The following PLK4 variants were observed in gnomAD, a reference collection of about 807,000 sequenced individuals.
PLK4 encodes serine/threonine-protein kinase PLK4.
Under a neutral mutation model 103.0 loss-of-function variants are expected in PLK4, and 51 were observed. That is an observed-to-expected ratio of 0.50 (90% confidence interval 0.40 to 0.63). The LOEUF is 0.63. Ranked by LOEUF, PLK4 falls within the 20% of genes least tolerant of loss-of-function variation. The pLI, the probability that PLK4 is intolerant of heterozygous loss-of-function variation, is 0.00. For missense variants in PLK4, 1,054 were observed against 1,151.0 expected (o/e 0.92, Z 1.22); for synonymous variants, 389 against 376.8 (o/e 1.03, Z -0.38).
chr4:127,887,520 A>AT, intron 6 of PLK4, 24 bp downstream of exon 6: 2 of 1,270,938 alleles, frequency 1.6e-6, no homozygotes, highest in Non-Finnish European at 2.3e-6. Flanking sequence ...GGAGTATTTA[A>AT]TCAAGAATTA....
At chr4:127,898,174 C>T (rs1221454627) in intron 15 of PLK4, among the ~76,000 whole-genome samples, 1 of 152,026 alleles carries the variant, frequency 6.6e-6, no homozygotes, top group African/African-American at 2.4e-5. Flanking sequence ...AGATTTTTGG[C>T]TTGCTTTTGA....
chr4:127,882,531 G>A (rs559669372), intron 2 of PLK4, among the ~76,000 whole-genome samples: 2 of 152,138 alleles, frequency 1.3e-5, no homozygotes, highest in East Asian at 1.9e-4. Flanking sequence ...AGGCCGAGGC[G>A]GGTGGATCAC....
At position 127,888,177 on chromosome 4, in the gene PLK4, CAAAAAAAAAAAAAAAAAAAA is replaced by C. The variant is rs58491426; in HGVS notation, c.1459+697_1459+716del. Among the ~76,000 whole-genome samples the C allele has an allele frequency of 3.5e-3, 118 of 33,262 alleles. 2 individuals are homozygous for C. The South Asian group carries it at 0.16, about 44-fold the overall frequency. The allele number at this position is 33,262 out of a possible 152,430, so 21.8% of individuals were successfully genotyped here. A position where few individuals can be genotyped will look rare whatever the true frequency, so the allele number is the denominator to read the frequency against. ...TCTAGGTGATAGAGCTAGACTGTCT[CAAAAAAAAAAAAAAAAAAAA>C]AAAAAAAAAAAAAAAGCATTTTCAG... On this transcript the variant is annotated intron_variant, in intron 6 of 15. Coordinates refer to ENST00000270861, the MANE Select transcript of PLK4 (RefSeq NM_014264.5).
chr4:127,888,360 G>A (rs1386412684), intron 6 of PLK4, among the ~76,000 whole-genome samples: 2 of 151,974 alleles, frequency 1.3e-5, no homozygotes, highest in African/African-American at 4.8e-5. Context: ...TACAGATGAG[G>A]AAACTGGGTA....
In PLK4 at chr4:127,881,105, T is replaced by G. The variant is rs747462745; in HGVS notation, c.-30T>G. ...GAAGGGACTGCGTGAAGGAAGCTAA[T>G]CCGGAGAACCCAGGCCAGAGCCTGG... On this transcript the variant is annotated 5_prime_UTR_variant, in exon 1 of 16. Transcript: ENST00000270861. 45 of 1,613,458 alleles carry G rather than the reference T, an allele frequency of 2.8e-5. No individual in the cohort carries two copies. In the Admixed American group the frequency reaches 5.2e-4, roughly 19 times the overall value.
chr4:127,884,293 A>AG (rs1212593210), intron 4 of PLK4, among the ~76,000 whole-genome samples: 1 of 152,236 alleles, frequency 6.6e-6, no homozygotes, highest in East Asian at 1.9e-4. Context: ...ACAAGCTAAC[A>AG]GAAGTAGTTG....
rs1337793916 is a variant in PLK4 at position 127,893,803 on chromosome 4, G to A, written c.2484G>A (p.Thr828=). The A allele has an allele frequency of 1.9e-6, 3 of 1,612,178 alleles. No individual in the cohort carries two copies. The highest frequency in any genetic ancestry group is 2.2e-5 in the East Asian group (1 of 44,850). ...PPPSVDSNYP[T]RERASFNRMV... ...CTTCTGTGGATTCAAATTACCCAAC[G>A]AGAGAGAGAGCATCTTTCAACAGAA... The change falls in exon 13 of 16, where the codon ACG becomes ACA. Residue 828 remains threonine, a synonymous_variant. Coordinates refer to ENST00000270861, the MANE Select transcript of PLK4 (RefSeq NM_014264.5).
At chr4:127,888,177 CAAAAAAAA>C (rs58491426) in intron 6 of PLK4, among the ~76,000 whole-genome samples, 24 of 33,238 alleles carry the variant, frequency 7.2e-4, no homozygotes, top group East Asian at 2.4e-3. Context: ...TAGACTGTCT[CAAAAAAAA>C]AAAAAAAAAA....
chr4:127,895,581 C>T (rs984123779), intron 14 of PLK4, among the ~76,000 whole-genome samples: 32 of 150,760 alleles, frequency 2.1e-4, no homozygotes, highest in African/African-American at 6.6e-4. Context: ...ACTGCCAAGC[C>T]GGGCTAATTT....
chr4:127,889,923 GC>G lies in PLK4; in HGVS notation c.1519del (p.His507IlefsTer31), dbSNP rs1735284513. ...ATCAGCCCAAACCGGGACTTCCAGG[GC>G]CATCCAGATTTGCAGAAGGACACAT... ...DSISPNRDFQGHPDLQKDTSK... is the reference protein window; with the variant it reads ...DSISPNRDFQXHPDLQKDTSK... On this transcript the variant is annotated frameshift_variant, in exon 7 of 16. Transcript: ENST00000270861. LOFTEE classifies it high-confidence loss of function. 1 of 1,613,512 alleles carries G rather than the reference GC, an allele frequency of 6.2e-7. No individual in the cohort carries two copies. The highest frequency in any genetic ancestry group is 8.5e-7 in the Non-Finnish European group (1 of 1,179,746).
intron 11 of PLK4, 25 bp downstream of exon 11, chr4:127,893,443 C>A: frequency 6.3e-7 from 1 of 1,599,886 alleles, no homozygotes; most frequent in South Asian, 1.1e-5. Context: ...GTAGGTTTTT[C>A]ATACCAATTA....
At chr4:127,892,717 A>G in intron 10 of PLK4, 1 of 446,910 alleles carries the variant, frequency 2.2e-6, no homozygotes, top group Non-Finnish European at 4.0e-6. Flanking sequence ...TTTATCCTAT[A>G]ATATGTATAT....
At chr4:127,882,612 A>C (rs1031707202) in intron 2 of PLK4, among the ~76,000 whole-genome samples, 1 of 152,180 alleles carries the variant, frequency 6.6e-6, no homozygotes, top group African/African-American at 2.4e-5. Context: ...ATACCAAATT[A>C]GCCGGGTGTG....
intron 14 of PLK4, among the ~76,000 whole-genome samples, chr4:127,895,313 A>G (rs560170659): frequency 6.6e-6 from 1 of 152,244 alleles, no homozygotes; most frequent in East Asian, 1.9e-4. Flanking sequence ...GTTGCCTGCT[A>G]GGCTTGGGTG....
At chr4:127,895,477 T>C (rs1023349341) in intron 14 of PLK4, among the ~76,000 whole-genome samples, 5 of 144,016 alleles carry the variant, frequency 3.5e-5, no homozygotes, top group Non-Finnish European at 6.1e-5. Context: ...TTTTTTTTTT[T>C]TTTGAGACAA....
chr4:127,888,176 T>TAAAAA, intron 6 of PLK4, among the ~76,000 whole-genome samples: 1 of 4,064 alleles, frequency 2.5e-4, no homozygotes, highest in Non-Finnish European at 7.1e-4. Flanking sequence ...CTAGACTGTC[T>TAAAAA]CAAAAAAAAA....
rs3811741 is a variant in PLK4 at position 127,882,004 on chromosome 4, G to A, written c.126+78G>A. 0.72 allele frequency: 566,082 copies of A among 781,832 alleles called. 206,231 individuals are homozygous for A. The highest frequency in any genetic ancestry group is 0.86 in the Middle Eastern group (3,136 of 3,636). The allele number at this position is 781,832 out of a possible 1,614,324, so 48.4% of individuals were successfully genotyped here. On this transcript the variant is annotated intron_variant, in intron 2 of 15. Coordinates refer to ENST00000270861, the MANE Select transcript of PLK4 (RefSeq NM_014264.5). ...GTATCAGAGATGTCAGAAACTCCTT[G>A]TCTACTAGCCTTTCCTTTGATTATA...
rs779735118 is a variant in PLK4 at position 127,886,560 on chromosome 4, A to G, written c.1190A>G (p.Glu397Gly). Residue 397 changes from glutamate to glycine, a missense_variant, in exon 5 of 16, where the codon GAA becomes GGA. Physicochemically the swap from Glu to Gly is moderately conservative, Grantham distance 98. This residue lies in a region of PLK4 where 680 missense variants were observed against 660.3 expected (regional missense o/e 1.03). Transcript: ENST00000270861. ...TCTCAAGCAAAAACATATACAATGGAACGATGTCACTCAGCAGAAATGCTT... is the reference window on the plus strand; with the variant it reads ...TCTCAAGCAAAAACATATACAATGGGACGATGTCACTCAGCAGAAATGCTT... Reference protein sequence around the residue: ...SQSQAKTYTMERCHSAEMLSV... With the variant: ...SQSQAKTYTMGRCHSAEMLSV... 2.5e-6 allele frequency: 4 copies of G among 1,614,048 alleles called. No individual in the cohort carries two copies. Among genetic ancestry groups the G allele is most frequent in the African/African-American group, 1.3e-5 (1 of 74,934 alleles).
At chr4:127,894,872 T>C in intron 13 of PLK4, 81 bp from the exon 14 acceptor site, 2 of 912,572 alleles carry the variant, frequency 2.2e-6, no homozygotes, top group Admixed American at 6.3e-5. Context: ...TAATGAAAAA[T>C]CTCATAATTG....
Sources: gnomAD v4.1 joint callset for allele counts (sites outside exome capture counted in the v4.1 genomes callset) on GRCh38, gnomAD v4.1.1 for gene constraint, gnomAD v4.1.1 regional missense constraint, MANE v1.5 for transcripts, NCBI Gene and HGNC (gene_info 2026-07-23, HGNC 2026-07-21) for gene names.